The following NXPH2 variants were observed in gnomAD, a reference collection of about 807,000 sequenced individuals.
NXPH2 encodes neurexophilin-2.
Under a neutral mutation model 19.8 loss-of-function variants are expected in NXPH2, and 5 were observed. The observed-to-expected ratio is 0.25, with a 90% CI of 0.13 to 0.53. NXPH2 has a LOEUF of 0.53. NXPH2 is among the 20% of genes least tolerant of loss of function. The pLI is 0.96. For synonymous variants in NXPH2, 154 were observed against 127.4 expected (o/e 1.21, Z -1.41); for missense variants, 289 against 322.8 (o/e 0.90, Z 0.80).
intron 1 of NXPH2, among the ~76,000 whole-genome samples, chr2:138,773,076 T>C (rs1400262793): frequency 6.6e-6 from 1 of 152,248 alleles, no homozygotes; most frequent in Non-Finnish European, 1.5e-5. Context: ...CCATGAATGT[T>C]GGAAGGCACT....
At chr2:138,715,642 G>C (rs1238506139) in intron 1 of NXPH2, among the ~76,000 whole-genome samples, 1 of 152,196 alleles carries the variant, frequency 6.6e-6, no homozygotes, top group Admixed American at 6.5e-5. Context: ...GAAGCAGACA[G>C]GAGGCTGGGA....
intron 1 of NXPH2, among the ~76,000 whole-genome samples, chr2:138,702,058 T>C (rs894103225): frequency 6.6e-6 from 1 of 152,120 alleles, no homozygotes; most frequent in Non-Finnish European, 1.5e-5. Flanking sequence ...CAGAGACTGT[T>C]TCTTTTTATT....
intron 1 of NXPH2, among the ~76,000 whole-genome samples, chr2:138,778,437 A>ACTG (rs1283049552): frequency 2.0e-5 from 3 of 152,184 alleles, no homozygotes; most frequent in African/African-American, 7.2e-5. Flanking sequence ...CCTATTCCTT[A>ACTG]CTGACTATGG....
In NXPH2 at chr2:138,671,223, T is replaced by C; in HGVS notation, c.494A>G (p.Lys165Arg). 1 of 1,613,666 alleles carries C rather than the reference T, an allele frequency of 6.2e-7. No homozygotes were observed. Reference protein sequence around the residue: ...NVSVSLVPPSKVVEFEVSPQS... With the variant: ...NVSVSLVPPSRVVEFEVSPQS... Reference sequence around the variant, plus strand: ...GGGGGAAACTTCAAATTCCACCACCTTGGAGGGTGGTACCAAGCTCACTGA... The same window carrying C: ...GGGGGAAACTTCAAATTCCACCACCCTGGAGGGTGGTACCAAGCTCACTGA... Residue 165 changes from lysine (K) to arginine (R), a missense_variant, in exon 2 of 2, where the codon AAG becomes AGG. Physicochemically the swap from Lys to Arg is conservative, Grantham distance 26. Transcript: ENST00000272641.
At chr2:138,691,835 T>A (rs558349433) in intron 1 of NXPH2, among the ~76,000 whole-genome samples, 1 of 152,294 alleles carries the variant, frequency 6.6e-6, no homozygotes, top group East Asian at 1.9e-4. Flanking sequence ...TGAGTACCAC[T>A]GAGCAATCCC....
chr2:138,771,588 T>C (rs894396164), intron 1 of NXPH2, among the ~76,000 whole-genome samples: 2 of 152,162 alleles, frequency 1.3e-5, no homozygotes, highest in Non-Finnish European at 2.9e-5. Context: ...GGGGAAGCCT[T>C]GCTAAGGGAG....
chr2:138,755,921 A>AT (rs1222441516), intron 1 of NXPH2, among the ~76,000 whole-genome samples: 1 of 151,852 alleles, frequency 6.6e-6, no homozygotes, highest in African/African-American at 2.4e-5. Context: ...ATATTTCAAT[A>AT]TTTTTTGGTG....
At chr2:138,687,380 A>T (rs1246880462) in intron 1 of NXPH2, among the ~76,000 whole-genome samples, 1 of 152,078 alleles carries the variant, frequency 6.6e-6, no homozygotes, top group Non-Finnish European at 1.5e-5. Context: ...CATATACTTC[A>T]CCGTCTTTTT....
chr2:138,736,825 C>A (rs1681552152), intron 1 of NXPH2, among the ~76,000 whole-genome samples: 1 of 152,210 alleles, frequency 6.6e-6, no homozygotes, highest in Non-Finnish European at 1.5e-5. Flanking sequence ...TTAGAAATTT[C>A]TTCTGCCAGA....
intron 1 of NXPH2, among the ~76,000 whole-genome samples, chr2:138,717,056 A>T (rs926836736): frequency 6.6e-6 from 1 of 152,224 alleles, no homozygotes; most frequent in Non-Finnish European, 1.5e-5. Context: ...TTTGGAACTC[A>T]CAGTTTTCAA....
chr2:138,750,617 T>C (rs1270676447), intron 1 of NXPH2, among the ~76,000 whole-genome samples: 1 of 152,186 alleles, frequency 6.6e-6, no homozygotes, highest in Non-Finnish European at 1.5e-5. Context: ...GCCTAGGTAT[T>C]AGAGACACAA....
At chr2:138,684,112 C>T (rs10427291) in intron 1 of NXPH2, among the ~76,000 whole-genome samples, 26,516 of 152,156 alleles carry the variant, frequency 0.17, 4,895 homozygotes, top group African/African-American at 0.47. Context: ...AGAGCCTTCA[C>T]AAATAACCTC....
chr2:138,726,571 G>A lies in NXPH2; in HGVS notation c.51+53620C>T, dbSNP rs114138774. 7.6e-3 allele frequency among the ~76,000 whole-genome samples: 1,130 copies of A among 148,916 alleles called. 11 individuals are homozygous for A. The highest frequency in any genetic ancestry group is 0.026 in the African/African-American group (1,064 of 40,190). The stretch of plus-strand genomic sequence containing the variant: ...ACACACACACACACCCTCCAACATA[G>A]CACCAAAGGCCAAATTTTATCAGTT... On this transcript the variant is annotated intron_variant, in intron 1 of 1. Coordinates refer to ENST00000272641, the MANE Select transcript of NXPH2 (RefSeq NM_007226.3).
In NXPH2 at chr2:138,670,778, T is replaced by G; in HGVS notation, c.*144A>C. On this transcript the variant is annotated 3_prime_UTR_variant, in exon 2 of 2. Transcript: ENST00000272641. The stretch of plus-strand genomic sequence containing the variant: ...TCACACTTAAAGATGTCTCTTTTTC[T>G]TTTTTTAAATTTGAAAACCTGATAG... 1.2e-6 allele frequency: 1 copy of G among 839,474 alleles called. No homozygotes were observed. The highest frequency in any genetic ancestry group is 2.5e-5 in the South Asian group (1 of 40,378). 52.0% of individuals were successfully genotyped at this position (839,474 alleles called of 1,614,324 possible). A position where few individuals can be genotyped will look rare whatever the true frequency, so the allele number is the denominator to read the frequency against.
chr2:138,770,545 T>C (rs925416171), intron 1 of NXPH2, among the ~76,000 whole-genome samples: 1 of 151,918 alleles, frequency 6.6e-6, no homozygotes, highest in African/African-American at 2.4e-5. Context: ...TATAAGATTA[T>C]TTGCAGATGA....
chr2:138,752,043 T>C lies in NXPH2; in HGVS notation c.51+28148A>G, dbSNP rs907499553. 6.6e-5 allele frequency among the ~76,000 whole-genome samples: 10 copies of C among 152,288 alleles called. No homozygotes were observed. The East Asian group carries it at 1.7e-3, about 26-fold the overall frequency. On this transcript the variant is annotated intron_variant, in intron 1 of 1. Transcript: ENST00000272641. ...GGCCCAAAAGGATAAGAAATAAATT[T>C]TGAGAATAAAGCAATAAAGAATGAT...
At chr2:138,771,668 G>A (rs976644348) in intron 1 of NXPH2, among the ~76,000 whole-genome samples, 1 of 152,116 alleles carries the variant, frequency 6.6e-6, no homozygotes, top group South Asian at 2.1e-4. Context: ...TCTTGCAGAG[G>A]GTAGCTTCAG....
intron 1 of NXPH2, among the ~76,000 whole-genome samples, chr2:138,747,321 A>G (rs965032462): frequency 2.0e-5 from 3 of 152,098 alleles, no homozygotes; most frequent in South Asian, 2.1e-4. Flanking sequence ...TGTTGGGCGC[A>G]TTGCTTGAGG....
In NXPH2 at chr2:138,703,956, C is replaced by T. The variant is rs139992637; in HGVS notation, c.52-32291G>A. 1.1e-3 allele frequency among the ~76,000 whole-genome samples: 167 copies of T among 152,278 alleles called. 1 individual carries two copies. Among genetic ancestry groups the T allele is most frequent in the Middle Eastern group, 0.01 (3 of 294 alleles). ...CTCTGACATTCACAGGCTTTTCCTG[C>T]GCCACCAGCCTGGACATGACTTTAT... On this transcript the variant is annotated intron_variant, in intron 1 of 1. Transcript: ENST00000272641.
Sources: allele counts gnomAD v4.1 joint callset (sites outside exome capture counted in the v4.1 genomes callset), GRCh38; gene constraint gnomAD v4.1.1; transcripts MANE v1.5; gene names NCBI Gene and HGNC (gene_info 2026-07-23, HGNC 2026-07-21).